DNAH12: variants seen among roughly 807,000 people sequenced by gnomAD.
The protein encoded by DNAH12 is dynein axonemal heavy chain 12.
Under a neutral mutation model 371.5 loss-of-function variants are expected in DNAH12, and 285 were observed. The observed-to-expected ratio is 0.77, with a 90% CI of 0.70 to 0.85. DNAH12 has a LOEUF of 0.85. Among genes scored for constraint, DNAH12 ranks in the 40% least tolerant of loss-of-function variants. The pLI is 0.00. For missense variants in DNAH12, 3,611 were observed against 3,689.4 expected, an observed-to-expected ratio of 0.98 and a Z score of 0.55; for synonymous variants, 1,200 against 1,213.0, an observed-to-expected ratio of 0.99 and a Z score of 0.22.
chr3:57,523,806 T>C lies in DNAH12; in HGVS notation c.249A>G (p.Gln83=), dbSNP rs755813527. The C allele has an allele frequency of 2.5e-6, 4 of 1,598,116 alleles. No homozygotes were observed. The highest frequency in any genetic ancestry group is 3.4e-6 in the Non-Finnish European group (4 of 1,174,644). ...TAACGAGAAAACATAAACTTACAGT[T>C]TGAGGATAATCAGGTGGTGGTAATA... ...TPLLPPPDYP[Q]TMTSEMKKKG... is the part of the protein sequence containing the mutation. The change falls in exon 3 of 74, where the codon CAA becomes CAG. Residue 83 remains glutamine (Q), a synonymous_variant. Coordinates refer to ENST00000495027, the MANE Select transcript of DNAH12 (RefSeq NM_001366028.2).
chr3:57,497,053 C>T (rs2067347358), intron 11 of DNAH12, among the ~76,000 whole-genome samples: 1 of 151,974 alleles, frequency 6.6e-6, no homozygotes, highest in South Asian at 2.1e-4. Context: ...TTTGCAAGAG[C>T]TGTACAATGC....
chr3:57,487,872 TTTTTTTTG>T (rs913290612), intron 12 of DNAH12, among the ~76,000 whole-genome samples: 4 of 152,066 alleles, frequency 2.6e-5, no homozygotes, highest in Non-Finnish European at 5.9e-5. Flanking sequence ...ATAAAGTGTT[TTTTTTTTG>T]TTTTTTGTTT....
At chr3:57,541,099 G>C (rs2069262644) in intron 2 of DNAH12, among the ~76,000 whole-genome samples, 1 of 151,676 alleles carries the variant, frequency 6.6e-6, no homozygotes, top group Non-Finnish European at 1.5e-5. Flanking sequence ...GAGTGCAGTG[G>C]TGTGATCTCA....
At chr3:57,363,396 A>G (rs2062981224) in intron 58 of DNAH12, among the ~76,000 whole-genome samples, 198 bp downstream of exon 58, 1 of 152,188 alleles carries the variant, frequency 6.6e-6, no homozygotes, top group Non-Finnish European at 1.5e-5. Context: ...TATAGATCAG[A>G]CCAGGTTTTA....
intron 65 of DNAH12, among the ~76,000 whole-genome samples, chr3:57,321,847 T>A (rs1332193158): frequency 6.6e-6 from 1 of 152,166 alleles, no homozygotes; most frequent in Non-Finnish European, 1.5e-5. Flanking sequence ...ACCCTTAAAG[T>A]CTCCAGTACT....
At chr3:57,534,505 TAGC>T (rs1215132428) in intron 2 of DNAH12, among the ~76,000 whole-genome samples, 1 of 129,998 alleles carries the variant, frequency 7.7e-6, no homozygotes, top group African/African-American at 3.0e-5. Context: ...TATTGTTAGC[TAGC>T]TTTTTTTTTT....
At chr3:57,318,360 T>A (rs1401471400) in intron 65 of DNAH12, among the ~76,000 whole-genome samples, 1 of 152,158 alleles carries the variant, frequency 6.6e-6, no homozygotes, top group African/African-American at 2.4e-5. Context: ...GAGTTAAATT[T>A]CATTCTTTTG....
chr3:57,466,108 A>C (rs555721031), intron 17 of DNAH12, among the ~76,000 whole-genome samples: 2 of 152,052 alleles, frequency 1.3e-5, no homozygotes, highest in South Asian at 4.2e-4. Context: ...TTAGTCATAC[A>C]TTATATAGGT....
chr3:57,398,962 G>A (rs1402902252), intron 43 of DNAH12, among the ~76,000 whole-genome samples: 3 of 152,082 alleles, frequency 2.0e-5, no homozygotes, highest in Admixed American at 1.3e-4. Context: ...ACAAAAACAT[G>A]CCTTATAAAT....
intron 66 of DNAH12, among the ~76,000 whole-genome samples, chr3:57,311,347 G>T (rs1157757843): frequency 6.6e-6 from 1 of 152,180 alleles, no homozygotes; most frequent in Non-Finnish European, 1.5e-5. Context: ...AAAGTGCTGG[G>T]ATTACAGGCG....
At chr3:57,523,429 C>A (rs1239836683) in intron 4 of DNAH12, among the ~76,000 whole-genome samples, 154 bp downstream of exon 4, 1 of 152,112 alleles carries the variant, frequency 6.6e-6, no homozygotes, top group Non-Finnish European at 1.5e-5. Flanking sequence ...TTGTTCATGA[C>A]ATGTTTGCTC....
chr3:57,409,632 G>A (rs2064142911), intron 39 of DNAH12, among the ~76,000 whole-genome samples: 2 of 152,060 alleles, frequency 1.3e-5, no homozygotes, highest in Non-Finnish European at 2.9e-5. Context: ...GATAATCGCA[G>A]TGATTATCTC....
At chr3:57,496,119 G>A (rs952011642) in intron 11 of DNAH12, among the ~76,000 whole-genome samples, 12 of 151,526 alleles carry the variant, frequency 7.9e-5, no homozygotes, top group Admixed American at 1.3e-4. Context: ...GTGGCAAACC[G>A]AATCCTGTCA....
At chr3:57,420,620 T>C (rs1337972480) in intron 36 of DNAH12, among the ~76,000 whole-genome samples, 1 of 149,636 alleles carries the variant, frequency 6.7e-6, no homozygotes, top group Non-Finnish European at 1.5e-5. Context: ...TTAAAGAATA[T>C]GCTTGTGGGC....
intron 25 of DNAH12, among the ~76,000 whole-genome samples, chr3:57,449,745 A>G (rs943836546): frequency 9.9e-5 from 15 of 152,132 alleles, no homozygotes; most frequent in Non-Finnish European, 1.6e-4. Context: ...ACCTCCCTGC[A>G]AGCTGAGGGA....
In DNAH12 at chr3:57,413,735, T is replaced by C. The variant is rs1553683719; in HGVS notation, c.6020+11A>G. On this transcript the variant is annotated intron_variant, in intron 39 of 73. Transcript: ENST00000495027. ...ATAACTTCAGCATAACTTATCGAAT[T>C]AAATAGTTACCAATGTCCACAGTCA... 8.4e-6 allele frequency: 13 copies of C among 1,547,740 alleles called. No individual in the cohort carries two copies. The highest frequency in any genetic ancestry group is 1.1e-5 in the Non-Finnish European group (13 of 1,145,878).
rs186407217 is a variant in DNAH12 at position 57,404,920 on chromosome 3, T to C, written c.6755+49A>G. The C allele has an allele frequency of 3.7e-5, 52 of 1,409,400 alleles. No homozygotes were observed. In the Middle Eastern group the frequency reaches 2.2e-3, roughly 58 times the overall value. 87.3% of individuals were successfully genotyped at this position (1,409,400 alleles called of 1,614,324 possible). ...TTGGTACATTTCAAACATTTCATAATAACATTTTACAGATAGCAATTTCAA... is the reference window on the plus strand; with the variant it reads ...TTGGTACATTTCAAACATTTCATAACAACATTTTACAGATAGCAATTTCAA... On this transcript the variant is annotated intron_variant, in intron 42 of 73. Coordinates refer to ENST00000495027, the MANE Select transcript of DNAH12 (RefSeq NM_001366028.2).
chr3:57,392,102 AAAATAGATGAGCTGGT>A (rs2063636108), intron 44 of DNAH12, 36 bp from the exon 45 acceptor site: 1 of 152,210 alleles, frequency 6.6e-6, no homozygotes, highest in African/African-American at 2.4e-5. Context: ...CTTGTAAATA[AAAATAGATGAGCTGGT>A]AATGAGATTG....
chr3:57,344,984 C>T (rs1248841613), intron 60 of DNAH12, among the ~76,000 whole-genome samples: 1 of 152,068 alleles, frequency 6.6e-6, no homozygotes, highest in East Asian at 1.9e-4. Flanking sequence ...TCCCCCAAAA[C>T]TTAACTACTA....
Sources: allele counts gnomAD v4.1 joint callset (sites outside exome capture counted in the v4.1 genomes callset), GRCh38; gene constraint gnomAD v4.1.1; transcripts MANE v1.5; gene names NCBI Gene and HGNC (gene_info 2026-07-23, HGNC 2026-07-21).